MARCHF4: variants seen among roughly 807,000 people sequenced by gnomAD.
MARCHF4 encodes membrane associated ring-CH-type finger 4.
MARCHF4 carries 14 observed loss-of-function variants against 43.9 expected under a neutral mutation model. That is an observed-to-expected ratio of 0.32 (90% confidence interval 0.21 to 0.50). The LOEUF is 0.50. Among genes scored for constraint, MARCHF4 ranks in the 20% least tolerant of loss-of-function variants. The probability of loss-of-function intolerance (pLI) is 0.98; values close to 1 mark genes in which losing one functional copy is unlikely to be tolerated. For synonymous variants in MARCHF4, 226 were observed against 213.3 expected, an observed-to-expected ratio of 1.06 and a Z score of -0.52; for missense variants, 468 against 536.7, an observed-to-expected ratio of 0.87 and a Z score of 1.27.
chr2:216,305,765 C>T (rs1266375543), intron 1 of MARCHF4, among the ~76,000 whole-genome samples: 1 of 152,286 alleles, frequency 6.6e-6, no homozygotes, highest in African/African-American at 2.4e-5. Context: ...GAGCAACTTG[C>T]ATCATCCTGG....
At chr2:216,319,306 TAAAACAAAACAAAAC>T (rs759192528) in intron 1 of MARCHF4, among the ~76,000 whole-genome samples, 2 of 151,994 alleles carry the variant, frequency 1.3e-5, no homozygotes, top group African/African-American at 4.8e-5. Flanking sequence ...AGATTCCATC[TAAAACAAAACAAAAC>T]AAAACAAAAC....
At chr2:216,284,616 C>A (rs1027673352) in intron 1 of MARCHF4, among the ~76,000 whole-genome samples, 10 of 152,168 alleles carry the variant, frequency 6.6e-5, no homozygotes, top group Admixed American at 2.0e-4. Context: ...CAGGCATGCA[C>A]CACCATGCCC....
intron 1 of MARCHF4, among the ~76,000 whole-genome samples, chr2:216,309,508 T>C (rs918395388): frequency 3.3e-5 from 5 of 152,210 alleles, no homozygotes; most frequent in Non-Finnish European, 7.3e-5. Flanking sequence ...GGTGTACATA[T>C]AACCCCAGCC....
intron 1 of MARCHF4, among the ~76,000 whole-genome samples, chr2:216,290,579 T>A (rs935871432): frequency 1.3e-5 from 2 of 152,152 alleles, no homozygotes; most frequent in African/African-American, 2.4e-5. Context: ...CTGATCATAT[T>A]TGACAGGATC....
At chr2:216,278,809 G>GT (rs1691077573) in intron 2 of MARCHF4, among the ~76,000 whole-genome samples, 1 of 152,178 alleles carries the variant, frequency 6.6e-6, no homozygotes, top group Non-Finnish European at 1.5e-5. Flanking sequence ...TGACAGATGG[G>GT]TTAAAGGCTA....
intron 1 of MARCHF4, among the ~76,000 whole-genome samples, chr2:216,357,378 A>G (rs1442658063): frequency 6.6e-6 from 1 of 152,208 alleles, no homozygotes; most frequent in Non-Finnish European, 1.5e-5. Flanking sequence ...GCTGGAGTGC[A>G]GTAGTACATC....
Position 216,372,362 on chromosome 2 carries a change from C to A in MARCHF4, c.-2102G>T, listed in dbSNP as rs964068269. Among the ~76,000 whole-genome samples, 46 of 152,178 alleles carry A rather than the reference C, an allele frequency of 3.0e-4. No homozygotes were observed. The highest frequency in any genetic ancestry group is 2.9e-3 in the Admixed American group (44 of 15,284). On this transcript the variant is annotated 5_prime_UTR_variant, in exon 1 of 4. Transcript: ENST00000273067. ...CCCCGGGCGAGTGGACAGCTCCCACCCAGACCCCGCGCGTCACGCTCGTGG... is the reference window on the plus strand; with the variant it reads ...CCCCGGGCGAGTGGACAGCTCCCACACAGACCCCGCGCGTCACGCTCGTGG...
chr2:216,279,703 G>A (rs183588600), intron 2 of MARCHF4, among the ~76,000 whole-genome samples: 186 of 152,320 alleles, frequency 1.2e-3, no homozygotes, highest in African/African-American at 4.4e-3. Context: ...TCCAGACATA[G>A]GACATCAGCG....
intron 1 of MARCHF4, among the ~76,000 whole-genome samples, chr2:216,366,346 G>A (rs1003311096): frequency 3.3e-5 from 5 of 152,180 alleles, no homozygotes; most frequent in African/African-American, 1.2e-4. Context: ...AACCAAAAAC[G>A]GAGAGTGAGG....
chr2:216,324,336 C>G (rs1691952768), intron 1 of MARCHF4, among the ~76,000 whole-genome samples: 1 of 144,666 alleles, frequency 6.9e-6, no homozygotes, highest in Admixed American at 6.9e-5. Context: ...GCTTACCAAC[C>G]AAAAAGAGTC....
chr2:216,319,179 G>A (rs969842287), intron 1 of MARCHF4, among the ~76,000 whole-genome samples: 9 of 151,958 alleles, frequency 5.9e-5, no homozygotes, highest in African/African-American at 1.7e-4. Flanking sequence ...GTGGTGGCGG[G>A]TGCCTGTAAT....
At chr2:216,327,261 C>T (rs1359910176) in intron 1 of MARCHF4, among the ~76,000 whole-genome samples, 1 of 151,894 alleles carries the variant, frequency 6.6e-6, no homozygotes, top group East Asian at 1.9e-4. Context: ...AGCCCCATGC[C>T]CTTTCTATTC....
At chr2:216,327,436 C>A (rs1692013480) in intron 1 of MARCHF4, among the ~76,000 whole-genome samples, 1 of 152,078 alleles carries the variant, frequency 6.6e-6, no homozygotes. Context: ...CTCCCCACCC[C>A]CAGCCAATTT....
chr2:216,292,629 A>G (rs1232596116), intron 1 of MARCHF4, among the ~76,000 whole-genome samples: 1 of 152,228 alleles, frequency 6.6e-6, no homozygotes, highest in East Asian at 1.9e-4. Flanking sequence ...CCAGCTAACA[A>G]TAAGGCTTGT....
rs1690701097 is a variant in MARCHF4, at chr2:216,259,271, C to A, written c.*41G>T. Reference sequence around the variant, plus strand: ...CTGCACCTCCCCACCCTGCTCCGGGCCCTCAGTGGTGGTCATGGCCTTCCT... The same window carrying A: ...CTGCACCTCCCCACCCTGCTCCGGGACCTCAGTGGTGGTCATGGCCTTCCT... On this transcript the variant is annotated 3_prime_UTR_variant, in exon 4 of 4. Transcript: ENST00000273067. 1 of 1,507,350 alleles carries A rather than the reference C, an allele frequency of 6.6e-7. No individual in the cohort carries two copies. The highest frequency in any genetic ancestry group is 1.4e-5 in the South Asian group (1 of 73,022). 93.4% of individuals were successfully genotyped at this position (1,507,350 alleles called of 1,614,324 possible).
At chr2:216,283,150 TG>T (rs1559089181) in intron 2 of MARCHF4, among the ~76,000 whole-genome samples, 7 of 152,194 alleles carry the variant, frequency 4.6e-5, no homozygotes, top group Non-Finnish European at 8.8e-5. Flanking sequence ...TCCCACCTTC[TG>T]TCTTTTTGTT....
chr2:216,262,108 G>A (rs1000533615), intron 3 of MARCHF4, among the ~76,000 whole-genome samples: 3 of 152,130 alleles, frequency 2.0e-5, no homozygotes, highest in Admixed American at 2.0e-4. Context: ...GAAGTCATCA[G>A]CTAAGATAGA....
chr2:216,316,931 G>C lies in MARCHF4; in HGVS notation c.517-33202C>G, dbSNP rs537797096. Reference sequence around the variant, plus strand: ...GAATTCCTTACATTTTGCTCAACAGGAGTGGCTACGGACGTCTGAGTAATC... The same window carrying C: ...GAATTCCTTACATTTTGCTCAACAGCAGTGGCTACGGACGTCTGAGTAATC... On this transcript the variant is annotated intron_variant, in intron 1 of 3. Transcript: ENST00000273067. 6.9e-4 allele frequency among the ~76,000 whole-genome samples: 105 copies of C among 152,274 alleles called. No individual in the cohort carries two copies. The South Asian group carries it at 0.021, about 30-fold the overall frequency.
At chr2:216,289,069 T>TA (rs1438388614) in intron 1 of MARCHF4, among the ~76,000 whole-genome samples, 1 of 139,048 alleles carries the variant, frequency 7.2e-6, no homozygotes, top group African/African-American at 2.6e-5. Flanking sequence ...ATATATATAT[T>TA]TATTTTTATT....
Sources: allele counts gnomAD v4.1 joint callset (sites outside exome capture counted in the v4.1 genomes callset), GRCh38; gene constraint gnomAD v4.1.1; transcripts MANE v1.5; gene names NCBI Gene and HGNC (gene_info 2026-07-23, HGNC 2026-07-21).